The following LNX2 variants were observed in gnomAD, a reference collection of about 807,000 sequenced individuals.
LNX2 encodes the protein ligand of Numb protein X 2.
A neutral mutation model predicts 66.2 loss-of-function variants in LNX2; 35 were observed. The ratio of observed to expected loss-of-function variants is 0.53; its 90% confidence interval spans 0.40 to 0.70. The LOEUF is 0.70. Among genes scored for constraint, LNX2 ranks in the 30% least tolerant of loss-of-function variants. The pLI is 0.00. For synonymous variants in LNX2, 337 were observed against 315.6 expected, an observed-to-expected ratio of 1.07 and a Z score of -0.72; for missense variants, 791 against 850.8, an observed-to-expected ratio of 0.93 and a Z score of 0.87.
At chr13:27,586,056 ATATATATAAGG>A (rs1955482704) in intron 1 of LNX2, among the ~76,000 whole-genome samples, 1 of 147,912 alleles carries the variant, frequency 6.8e-6, no homozygotes, top group Non-Finnish European at 1.5e-5. Flanking sequence ...ACATATACTT[ATATATATAAGG>A]CAGTACATAT....
intron 1 of LNX2, among the ~76,000 whole-genome samples, chr13:27,596,202 T>C (rs1955597688): frequency 1.3e-5 from 2 of 152,088 alleles, no homozygotes; most frequent in African/African-American, 2.4e-5. Context: ...CTAGAGATAC[T>C]GAAAAAATTA....
In LNX2 at chr13:27,553,482, G is replaced by A. The variant is rs746357963; in HGVS notation, c.1547-43C>T. Reference sequence around the variant, plus strand: ...CAAGAAAAATGAGCTGAGCCACTGAGTTTTCACCTGCAAATCTTGTTGTTT... The same window carrying A: ...CAAGAAAAATGAGCTGAGCCACTGAATTTTCACCTGCAAATCTTGTTGTTT... On this transcript the variant is annotated intron_variant, in intron 7 of 9. Transcript: ENST00000316334. 3 of 1,443,838 alleles carry A rather than the reference G, an allele frequency of 2.1e-6. No homozygotes were observed. In the African/African-American group the frequency reaches 4.2e-5, roughly 20 times the overall value. 89.4% of individuals were successfully genotyped at this position (1,443,838 alleles called of 1,614,324 possible).
chr13:27,552,180 G>T (rs934914378), intron 8 of LNX2, among the ~76,000 whole-genome samples: 1 of 152,176 alleles, frequency 6.6e-6, no homozygotes, highest in African/African-American at 2.4e-5. Flanking sequence ...CTCCAAACTA[G>T]ACTGGTATAT....
rs1955394659 is a variant in LNX2, at chr13:27,581,338, A to G, written c.366T>C (p.Asp122=). 6.5e-7 allele frequency: 1 copy of G among 1,531,404 alleles called. No homozygotes were observed. Among genetic ancestry groups the G allele is most frequent in the African/African-American group, 1.4e-5 (1 of 72,212 alleles). 94.9% of individuals were successfully genotyped at this position (1,531,404 alleles called of 1,614,324 possible). A position where few individuals can be genotyped will look rare whatever the true frequency, so the allele number is the denominator to read the frequency against. The change falls in exon 2 of 10, where the codon GAT becomes GAC. Residue 122 remains aspartate, a synonymous_variant. Transcript: ENST00000316334. The part of the protein sequence containing the change: ...VLCPFSSVCK[D]VMQRCDLEAH... ...CCTCCAGATCACAACGTTGCATTAC[A>G]TCTTTGCACACTGAAGAAAATGGAC...
chr13:27,614,943 T>C (rs934250870), intron 1 of LNX2, among the ~76,000 whole-genome samples: 7 of 152,140 alleles, frequency 4.6e-5, no homozygotes, highest in East Asian at 1.9e-4. Flanking sequence ...GAGTGTTTTT[T>C]TCTATTCTCT....
At chr13:27,567,515 G>C in intron 4 of LNX2, 125 bp downstream of exon 4, 1 of 720,636 alleles carries the variant, frequency 1.4e-6, no homozygotes, top group South Asian at 1.7e-5. Flanking sequence ...CTGATGTTTT[G>C]CATATAGAAA....
intron 1 of LNX2, among the ~76,000 whole-genome samples, chr13:27,586,957 G>A (rs1257196944): frequency 6.6e-6 from 1 of 152,138 alleles, no homozygotes; most frequent in Non-Finnish European, 1.5e-5. Flanking sequence ...TAAGGGATAA[G>A]AATATCCACA....
At chr13:27,585,469 A>T (rs536946722) in intron 1 of LNX2, among the ~76,000 whole-genome samples, 16 of 151,884 alleles carry the variant, frequency 1.1e-4, no homozygotes, top group East Asian at 3.9e-4. Context: ...AAAATAATAA[A>T]AAAAAATACT....
chr13:27,550,089 A>T (rs1325048369), intron 9 of LNX2, among the ~76,000 whole-genome samples: 2 of 152,336 alleles, frequency 1.3e-5, no homozygotes, highest in South Asian at 2.1e-4. Context: ...TTTTTCCGTA[A>T]GGGGTCAGAT....
rs149452064 is a variant in LNX2, at chr13:27,567,885, TAAAC to T, written c.656-50_656-47del. ...CAGACAAAAACAGATGTTAAAAAAA[TAAAC>T]AAACCCAACAATTTATATTCTGATT... On this transcript the variant is annotated intron_variant, in intron 3 of 9. Transcript: ENST00000316334. 8,472 of 1,479,218 alleles carry T rather than the reference TAAAC, an allele frequency of 5.7e-3. 607 individuals are homozygous for T. The East Asian group carries it at 0.16, about 28-fold the overall frequency. The allele number at this position is 1,479,218 out of a possible 1,614,324, so 91.6% of individuals were successfully genotyped here. A position where few individuals can be genotyped will look rare whatever the true frequency, so the allele number is the denominator to read the frequency against.
chr13:27,569,038 C>T lies in LNX2; in HGVS notation c.646G>A (p.Gly216Arg). Residue 216 changes from glycine (G) to arginine (R), a missense_variant, in exon 3 of 10, where the codon GGA becomes AGA. Gly to Arg is a moderately radical substitution (Grantham distance 125). Coordinates refer to ENST00000316334, the MANE Select transcript of LNX2 (RefSeq NM_153371.4). Reference protein sequence around the residue: ...LDNPAFEESAGADTTQQPLSL... With the variant: ...LDNPAFEESARADTTQQPLSL... The stretch of plus-strand genomic sequence containing the variant: ...GTTGCACCACACATACTGTCAGCTC[C>T]AGCGCTCTCCTCAAAGGCAGGGTTG... The T allele has an allele frequency of 6.2e-7, 1 of 1,613,118 alleles. No individual in the cohort carries two copies. The highest frequency in any genetic ancestry group is 8.5e-7 in the Non-Finnish European group (1 of 1,179,600).
At chr13:27,586,273 G>A (rs1955486016) in intron 1 of LNX2, among the ~76,000 whole-genome samples, 1 of 152,070 alleles carries the variant, frequency 6.6e-6, no homozygotes, top group Non-Finnish European at 1.5e-5. Flanking sequence ...TAGTAAGAAA[G>A]AAGGAAGATA....
intron 7 of LNX2, among the ~76,000 whole-genome samples, chr13:27,554,679 A>G (rs1428782641): frequency 2.0e-5 from 3 of 152,202 alleles, no homozygotes; most frequent in Admixed American, 6.5e-5. Context: ...TATTGTGAAT[A>G]ATGCTGCTAT....
At chr13:27,579,831 TC>T (rs1420994076) in intron 2 of LNX2, among the ~76,000 whole-genome samples, 2 of 152,194 alleles carry the variant, frequency 1.3e-5, no homozygotes, top group Non-Finnish European at 2.9e-5. Context: ...ACTAGTATAT[TC>T]AAAAGACCAG....
rs1955527815 is a variant in LNX2, at chr13:27,589,679, T to C, written c.-100-7876A>G. 2.0e-5 allele frequency among the ~76,000 whole-genome samples: 3 copies of C among 152,196 alleles called. No homozygotes were observed. In the South Asian group the frequency reaches 6.2e-4, roughly 32 times the overall value. On this transcript the variant is annotated intron_variant, in intron 1 of 9. Coordinates refer to ENST00000316334, the MANE Select transcript of LNX2 (RefSeq NM_153371.4). The stretch of plus-strand genomic sequence containing the variant: ...AACCAAACTGGGTTACCTGCCTGAT[T>C]CCTACACTGAAGACAGTTATACTAA...
intron 4 of LNX2, among the ~76,000 whole-genome samples, chr13:27,565,690 C>T (rs1593243513): frequency 6.6e-6 from 1 of 152,128 alleles, no homozygotes; most frequent in South Asian, 2.1e-4. Context: ...TCGTCTATTA[C>T]ATCTAAGTAT....
chr13:27,618,729 T>C (rs1955853641), intron 1 of LNX2, among the ~76,000 whole-genome samples: 3 of 152,268 alleles, frequency 2.0e-5, no homozygotes, highest in Admixed American at 1.3e-4. Context: ...CCCTGACTAC[T>C]ACCTCCACCT....
At chr13:27,604,358 T>C (rs532054993) in intron 1 of LNX2, among the ~76,000 whole-genome samples, 1 of 152,386 alleles carries the variant, frequency 6.6e-6, no homozygotes, top group African/African-American at 2.4e-5. Context: ...GAGTCAGCAG[T>C]GCACTCCATG....
chr13:27,587,891 A>G (rs1182319252), intron 1 of LNX2, among the ~76,000 whole-genome samples: 5 of 151,944 alleles, frequency 3.3e-5, no homozygotes, highest in Admixed American at 6.6e-5. Context: ...CATGGTGGCG[A>G]GTGCCTGTAG....
Sources: gnomAD v4.1 joint callset for allele counts (sites outside exome capture counted in the v4.1 genomes callset) on GRCh38, gnomAD v4.1.1 for gene constraint, MANE v1.5 for transcripts, NCBI Gene and HGNC (gene_info 2026-07-23, HGNC 2026-07-21) for gene names.